The following POLR1A variants were observed in gnomAD, a reference collection of about 807,000 sequenced individuals.
The protein encoded by POLR1A is DNA-directed RNA polymerase I subunit RPA1.
Under a neutral mutation model 205.3 loss-of-function variants are expected in POLR1A, and 84 were observed. The observed-to-expected ratio is 0.41, with a 90% CI of 0.34 to 0.49. POLR1A has a LOEUF of 0.49. Ranked by LOEUF, POLR1A falls within the 20% of genes least tolerant of loss-of-function variation. POLR1A has a pLI of 0.22. For synonymous variants in POLR1A, 799 were observed against 863.7 expected (o/e 0.93, Z 1.31); for missense variants, 1,645 against 2,204.5 (o/e 0.75, Z 5.08).
At chr2:86,068,551 C>A (rs1201684816) in intron 13 of POLR1A, among the ~76,000 whole-genome samples, 1 of 152,190 alleles carries the variant, frequency 6.6e-6, no homozygotes, top group Non-Finnish European at 1.5e-5. Context: ...GGCCTGTGAC[C>A]CACTTAATAA....
chr2:86,088,675 C>A lies in POLR1A; in HGVS notation c.627-6G>T. On this transcript the variant is annotated splice_polypyrimidine_tract_variant and splice_region_variant and intron_variant, in intron 5 of 33. Transcript: ENST00000263857. ...GGACAACGGATCGCCCGGTCCTGTG[C>A]AGGAGGACAGTTGTGATTGAAGAGA... 6.2e-7 allele frequency: 1 copy of A among 1,611,642 alleles called. No individual in the cohort carries two copies.
rs1672555139 is a variant in POLR1A at position 86,039,247 on chromosome 2, C to G, written c.3876+80G>C. 2.0e-6 allele frequency: 3 copies of G among 1,489,876 alleles called. No individual in the cohort carries two copies. In the Admixed American group the frequency reaches 5.2e-5, roughly 26 times the overall value. 92.3% of individuals were successfully genotyped at this position (1,489,876 alleles called of 1,614,324 possible). A position where few individuals can be genotyped will look rare whatever the true frequency, so the allele number is the denominator to read the frequency against. ...CTGAGCCTAGGGTCAGAGCAGTAAGCAAAGCCTGTTCTTCACACATGGGGA... is the reference window on the plus strand; with the variant it reads ...CTGAGCCTAGGGTCAGAGCAGTAAGGAAAGCCTGTTCTTCACACATGGGGA... On this transcript the variant is annotated intron_variant, in intron 26 of 33. Coordinates refer to ENST00000263857, the MANE Select transcript of POLR1A (RefSeq NM_015425.6).
At chr2:86,078,594 GA>G (rs1381695235) in intron 9 of POLR1A, among the ~76,000 whole-genome samples, 1 of 152,132 alleles carries the variant, frequency 6.6e-6, no homozygotes, top group Non-Finnish European at 1.5e-5. Flanking sequence ...AATTCCTAAA[GA>G]AAACTAAGAA....
Position 86,089,857 on chromosome 2 carries a change from C to T in POLR1A, c.505G>A (p.Val169Met). Residue 169 changes from valine (V) to methionine (M), a missense_variant, in exon 4 of 34, where the codon GTG (valine) becomes ATG (methionine). By Grantham distance (21) the Val-to-Met change is conservative. Around this residue, in one of 16 missense-constraint regions of POLR1A, gnomAD observed 330 missense variants for 375.6 expected, o/e 0.88. Transcript: ENST00000263857. ...TGGGACCCCAGGAGGTTGTTCTGCA[C>T]AATTTCAGTTGTGTATTGTTCTAAT... ...EELEQYTTEIVQNNLLGSQGA... is the reference protein window; with the variant it reads ...EELEQYTTEIMQNNLLGSQGA... 1.9e-6 allele frequency: 3 copies of T among 1,612,792 alleles called. No individual in the cohort carries two copies. Among genetic ancestry groups the T allele is most frequent in the Non-Finnish European group, 2.5e-6 (3 of 1,178,766 alleles).
At chr2:86,104,903 T>C (rs1673892877) in intron 1 of POLR1A, among the ~76,000 whole-genome samples, 1 of 152,214 alleles carries the variant, frequency 6.6e-6, no homozygotes, top group Admixed American at 6.5e-5. Flanking sequence ...TTTGAGACTA[T>C]AAATCATGAA....
rs141600019 is a variant in POLR1A at position 86,041,390 on chromosome 2, CTGTG to C, written c.3572+495_3572+498del. On this transcript the variant is annotated intron_variant, in intron 24 of 33. Transcript: ENST00000263857. ...GCGCGCGCGCGCTGAGCTACAGTGT[CTGTG>C]TGTGTGTGTGTGTGTGTGTCTGTCC... is the stretch of plus-strand genomic sequence containing the variant. 5.5e-4 allele frequency among the ~76,000 whole-genome samples: 68 copies of C among 124,704 alleles called. No homozygotes were observed. The East Asian group carries it at 0.013, about 24-fold the overall frequency. The allele number at this position is 124,704 out of a possible 152,430, so 81.8% of individuals were successfully genotyped here.
chr2:86,031,078 C>T lies in POLR1A; in HGVS notation c.4578+252G>A, dbSNP rs573915468. On this transcript the variant is annotated intron_variant, in intron 30 of 33. Transcript: ENST00000263857. ...GCTTACTAGGGGTTTGAAAATGACA[C>T]GTGTGGGCCCTTTTTCGGGGCAGAG... 5.3e-5 allele frequency among the ~76,000 whole-genome samples: 8 copies of T among 152,304 alleles called. No individual in the cohort carries two copies. In the East Asian group the frequency reaches 1.2e-3, roughly 22 times the overall value.
chr2:86,089,629 C>T (rs1048882168), intron 4 of POLR1A, among the ~76,000 whole-genome samples, 193 bp downstream of exon 4: 2 of 152,168 alleles, frequency 1.3e-5, no homozygotes, highest in African/African-American at 4.8e-5. Context: ...TGCAGGCAGG[C>T]ATTAGAGATT....
At chr2:86,029,305 G>C (rs1418394579) in intron 31 of POLR1A, among the ~76,000 whole-genome samples, 2 of 152,116 alleles carry the variant, frequency 1.3e-5, no homozygotes, top group Non-Finnish European at 2.9e-5. Flanking sequence ...AGAAGTGTAC[G>C]TGGCAGGGGG....
In POLR1A at chr2:86,060,164, C is replaced by G. The variant is rs138752451; in HGVS notation, c.2058+5110G>C. Among the ~76,000 whole-genome samples the G allele has an allele frequency of 3.9e-3, 587 of 152,288 alleles. 1 individual carries two copies. Among genetic ancestry groups the G allele is most frequent in the African/African-American group, 0.014 (561 of 41,546 alleles). On this transcript the variant is annotated intron_variant, in intron 14 of 33. Transcript: ENST00000263857. ...AATGAAAAGATGTATAAGGCTTTTA[C>G]ATAATTGAAGGACATACTATGTTCA...
chr2:86,077,298 G>C (rs968234800), intron 11 of POLR1A, among the ~76,000 whole-genome samples: 3 of 152,178 alleles, frequency 2.0e-5, no homozygotes, highest in Admixed American at 6.5e-5. Context: ...GAGGGGGTCG[G>C]GGGGAGAGCA....
In POLR1A at chr2:86,089,858, A is replaced by C; in HGVS notation, c.504T>G (p.Ile168Met). 1 of 1,613,000 alleles carries C rather than the reference A, an allele frequency of 6.2e-7. No homozygotes were observed. Among genetic ancestry groups the C allele is most frequent in the Non-Finnish European group, 8.5e-7 (1 of 1,178,906 alleles). ...REELEQYTTE[I>M]VQNNLLGSQG... is the part of the protein sequence containing the mutation. ...GGGACCCCAGGAGGTTGTTCTGCACAATTTCAGTTGTGTATTGTTCTAATT... is the reference window on the plus strand; with the variant it reads ...GGGACCCCAGGAGGTTGTTCTGCACCATTTCAGTTGTGTATTGTTCTAATT... Residue 168 changes from isoleucine to methionine, a missense_variant, in exon 4 of 34, where the codon ATT (isoleucine) becomes ATG (methionine). By Grantham distance (10) the Ile-to-Met change is conservative. Transcript: ENST00000263857.
rs75575952 is a variant in POLR1A at position 86,077,685 on chromosome 2, G to A, written c.1380+174C>T. Among the ~76,000 whole-genome samples the A allele has an allele frequency of 2.6e-5, 4 of 152,256 alleles. No homozygotes were observed. The East Asian group carries it at 5.8e-4, about 22-fold the overall frequency. ...GCTTCCAGTCACCTCCTTGTGGGCT[G>A]TCCAGGAAGAGGCAGAAGCTAGTTC... On this transcript the variant is annotated intron_variant, in intron 11 of 33. Coordinates refer to ENST00000263857, the MANE Select transcript of POLR1A (RefSeq NM_015425.6).
intron 1 of POLR1A, among the ~76,000 whole-genome samples, chr2:86,104,283 G>T (rs1673876905): frequency 6.6e-6 from 1 of 151,928 alleles, no homozygotes; most frequent in African/African-American, 2.4e-5. Flanking sequence ...AGGAGACTAA[G>T]AACAAATAGA....
chr2:86,042,226 C>T (rs527446392), intron 23 of POLR1A, 123 bp from the exon 24 acceptor site: 20 of 707,762 alleles, frequency 2.8e-5, no homozygotes, highest in Admixed American at 9.4e-5. Flanking sequence ...CAATGAGAAA[C>T]CATCTCCCCA....
At position 86,052,931 on chromosome 2, in the gene POLR1A, C is replaced by T. The variant is rs758254481; in HGVS notation, c.2278G>A (p.Gly760Ser). Residue 760 changes from glycine to serine, a missense_variant, in exon 16 of 34, where the codon GGC becomes AGC. Around this residue, in one of 16 missense-constraint regions of POLR1A, gnomAD observed 339 missense variants for 415.1 expected, o/e 0.82. Coordinates refer to ENST00000263857, the MANE Select transcript of POLR1A (RefSeq NM_015425.6). Reference protein sequence around the residue: ...DKAHYGSSAYGLVHCCYEIYG... With the variant: ...DKAHYGSSAYSLVHCCYEIYG... Reference sequence around the variant, plus strand: ...ATCTCATAGCAGCAGTGGACCAGGCCGTAGGCGGAGCTCCCATAGTGCGCC... The same window carrying T: ...ATCTCATAGCAGCAGTGGACCAGGCTGTAGGCGGAGCTCCCATAGTGCGCC... 12 of 1,609,280 alleles carry T rather than the reference C, an allele frequency of 7.5e-6. No homozygotes were observed. The highest frequency in any genetic ancestry group is 1.6e-4 in the Middle Eastern group (1 of 6,066).
Position 86,098,553 on chromosome 2 carries a change from CTT to C in POLR1A, c.432+56_432+57del, listed in dbSNP as rs1193005987. 8.9e-6 allele frequency: 14 copies of C among 1,568,008 alleles called. No individual in the cohort carries two copies. The East Asian group carries it at 3.2e-4, about 35-fold the overall frequency. The stretch of plus-strand genomic sequence containing the variant: ...TAACTAGGACAACATACAAGCATCT[CTT>C]GTTCCCCACACCACTTTGCCTTTTC... On this transcript the variant is annotated intron_variant, in intron 3 of 33. Transcript: ENST00000263857.
chr2:86,083,178 A>C lies in POLR1A; in HGVS notation c.731-10T>G. The C allele has an allele frequency of 6.2e-7, 1 of 1,600,182 alleles. No homozygotes were observed. Among genetic ancestry groups the C allele is most frequent in the South Asian group, 1.1e-5 (1 of 90,758 alleles). On this transcript the variant is annotated splice_polypyrimidine_tract_variant and intron_variant, in intron 6 of 33. Coordinates refer to ENST00000263857, the MANE Select transcript of POLR1A (RefSeq NM_015425.6). ...TGAGCTTCCTCAATTCCTGGAGCCA[A>C]GGAGGAGAATCAAAGTGCAATAAAT...
chr2:86,098,907 T>C (rs1251921769), intron 2 of POLR1A, 147 bp from the exon 3 acceptor site: 2 of 647,578 alleles, frequency 3.1e-6, no homozygotes, highest in Non-Finnish European at 5.2e-6. Context: ...AAGGCCTTTG[T>C]TATCTTAAGA....
Sources: allele counts gnomAD v4.1 joint callset (sites outside exome capture counted in the v4.1 genomes callset), GRCh38; gene constraint gnomAD v4.1.1; regional missense constraint gnomAD v4.1.1; transcripts MANE v1.5; gene names NCBI Gene and HGNC (gene_info 2026-07-23, HGNC 2026-07-21).